VPS13D: variants seen among roughly 807,000 people sequenced by gnomAD.
VPS13D encodes vacuolar protein sorting 13 homolog D.
A neutral mutation model predicts 461.9 loss-of-function variants in VPS13D; 187 were observed. The observed-to-expected ratio is 0.40, with a 90% CI of 0.36 to 0.46. VPS13D has a LOEUF of 0.46. Ranked by LOEUF, VPS13D falls within the 20% of genes least tolerant of loss-of-function variation. The pLI, the probability that VPS13D is intolerant of heterozygous loss-of-function variation, is 0.60. For missense variants in VPS13D, 4,711 were observed against 5,364.9 expected (o/e 0.88, Z 3.81); for synonymous variants, 1,951 against 1,986.3 (o/e 0.98, Z 0.47).
intron 5 of VPS13D, among the ~76,000 whole-genome samples, chr1:12,247,727 G>A (rs182225809): frequency 0.01 from 1,474 of 143,512 alleles, 20 homozygotes; most frequent in African/African-American, 0.036. Flanking sequence ...TTTTTGAGAC[G>A]GAGTCTCCCT....
rs1646120495 is a variant in VPS13D, at chr1:12,507,113, C to T, written c.13035+20C>T. The T allele has an allele frequency of 6.2e-7, 1 of 1,613,528 alleles. No individual in the cohort carries two copies. Among genetic ancestry groups the T allele is most frequent in the Non-Finnish European group, 8.5e-7 (1 of 1,179,724 alleles). On this transcript the variant is annotated intron_variant, in intron 69 of 69. Coordinates refer to ENST00000620676, the MANE Select transcript of VPS13D (RefSeq NM_015378.4). This position sits in a 1 kb window ranked among gnomAD's most constrained non-coding sequence, Gnocchi z 5.3. ...CCCATGGTGAGTGCCTGGCTGTTCT[C>T]AGGCTCCTGAGGGGCGGGGCCAGGG...
chr1:12,314,822 AAG>A (rs1270832850), intron 30 of VPS13D, among the ~76,000 whole-genome samples: 1 of 152,230 alleles, frequency 6.6e-6, no homozygotes, highest in African/African-American at 2.4e-5. Flanking sequence ...TCTATATAGA[AAG>A]AACATATATT....
intron 6 of VPS13D, among the ~76,000 whole-genome samples, chr1:12,252,146 T>C (rs1028516912): frequency 1.3e-5 from 2 of 152,204 alleles, no homozygotes; most frequent in African/African-American, 4.8e-5. Context: ...GTATGACCTC[T>C]TAATTTGATT....
At chr1:12,448,532 C>T (rs1251151812) in intron 65 of VPS13D, among the ~76,000 whole-genome samples, 2 of 152,098 alleles carry the variant, frequency 1.3e-5, no homozygotes, top group African/African-American at 2.4e-5. Context: ...CCCCTTCTGC[C>T]AAAAAGTCCT....
At chr1:12,350,211 T>C in intron 46 of VPS13D, among the ~76,000 whole-genome samples, 1 of 152,206 alleles carries the variant, frequency 6.6e-6, no homozygotes, top group East Asian at 1.9e-4. Flanking sequence ...TAGACATTTA[T>C]ATACAGATTA....
chr1:12,448,805 T>C (rs1050107876), intron 65 of VPS13D, among the ~76,000 whole-genome samples: 17 of 152,172 alleles, frequency 1.1e-4, no homozygotes, highest in Non-Finnish European at 2.2e-4. Context: ...AAAATCCTAT[T>C]ATGGGAATGC....
chr1:12,342,383 G>A (rs760505455), intron 41 of VPS13D, among the ~76,000 whole-genome samples: 6 of 152,198 alleles, frequency 3.9e-5, no homozygotes, highest in Non-Finnish European at 8.8e-5. Flanking sequence ...TAAGCCAGGC[G>A]AGAACCTTTT....
rs748863929 is a variant in VPS13D at position 12,386,343 on chromosome 1, G to C, written c.11634+9G>C. On this transcript the variant is annotated intron_variant, in intron 60 of 69. Coordinates refer to ENST00000620676, the MANE Select transcript of VPS13D (RefSeq NM_015378.4). ...GCATACAGGATGTACAGGTAAGGGG[G>C]AAGTTCCAAAGCTGTTAGTCACCTT... 6.3e-7 allele frequency: 1 copy of C among 1,590,012 alleles called. No homozygotes were observed.
In VPS13D at chr1:12,260,780, G is replaced by A; in HGVS notation, c.1198G>A (p.Glu400Lys). 1 of 1,614,192 alleles carries A rather than the reference G, an allele frequency of 6.2e-7. No homozygotes were observed. The highest frequency in any genetic ancestry group is 1.1e-5 in the South Asian group (1 of 91,076). Residue 400 changes from glutamate to lysine, a missense_variant, in exon 11 of 70, where the codon GAA becomes AAA. Coordinates refer to ENST00000620676, the MANE Select transcript of VPS13D (RefSeq NM_015378.4). ...GGTTCATGATCGATTTCACAAACAG[G>A]AAGAACTAGCAGAGGTAAGAAATCC... Reference protein sequence around the residue: ...ELVHDRFHKQEELAESLREPQ... With the variant: ...ELVHDRFHKQKELAESLREPQ...
At chr1:12,268,010 G>A in intron 15 of VPS13D, 90 bp downstream of exon 15, 3 of 1,082,162 alleles carry the variant, frequency 2.8e-6, no homozygotes, top group South Asian at 3.0e-5. Context: ...CACCCAGGCT[G>A]GAGTGCAGTG....
At position 12,282,825 on chromosome 1, in the gene VPS13D, C is replaced by T; in HGVS notation, c.4723C>T (p.Leu1575=). 1 of 1,614,172 alleles carries T rather than the reference C, an allele frequency of 6.2e-7. No homozygotes were observed. The highest frequency in any genetic ancestry group is 8.5e-7 in the Non-Finnish European group (1 of 1,180,026). Residue 1575 remains leucine (L), a synonymous_variant, in exon 21 of 70, where the codon CTG becomes TTG. Transcript: ENST00000620676. ...ATSSPCPDSP[L]PPLSTCGESS... The stretch of plus-strand genomic sequence containing the variant: ...CTCCTCCCCTTGCCCTGATTCTCCT[C>T]TGCCTCCCCTCAGTACCTGTGGAGA...
chr1:12,295,231 A>C (rs1018117119), intron 24 of VPS13D, among the ~76,000 whole-genome samples: 10 of 151,596 alleles, frequency 6.6e-5, no homozygotes, highest in African/African-American at 2.2e-4. Context: ...TCAAAAAAAA[A>C]AAAAAAAAAC....
intron 65 of VPS13D, among the ~76,000 whole-genome samples, chr1:12,436,879 G>T (rs533017769): frequency 3.3e-5 from 5 of 152,134 alleles, no homozygotes. Flanking sequence ...TGTTGGTCAG[G>T]CTGGTCTCGA....
At position 12,345,443 on chromosome 1, in the gene VPS13D, G is replaced by A. The variant is rs1288479147; in HGVS notation, c.8955G>A (p.Val2985=). ...RVNGWEQVSP[V]SVDKVGTFFR... ...ATGGCTGGGAGCAAGTGAGCCCAGT[G>A]TCTGTGGACAAAGTCGGGACCTTTT... is the stretch of plus-strand genomic sequence containing the variant. The change falls in exon 43 of 70, where the codon GTG becomes GTA. Residue 2985 remains valine (V), a synonymous_variant. Transcript: ENST00000620676. 1.2e-6 allele frequency: 2 copies of A among 1,613,994 alleles called. No individual in the cohort carries two copies. Among genetic ancestry groups the A allele is most frequent in the Admixed American group, 1.7e-5 (1 of 60,024 alleles).
chr1:12,298,371 C>T (rs916832798), intron 24 of VPS13D, among the ~76,000 whole-genome samples: 6 of 152,064 alleles, frequency 3.9e-5, no homozygotes, highest in East Asian at 1.9e-4. Context: ...GGGCTGGGCA[C>T]GCTCACACCT....
intron 35 of VPS13D, among the ~76,000 whole-genome samples, chr1:12,326,801 G>A (rs1168255536): frequency 1.3e-5 from 2 of 151,840 alleles, no homozygotes; most frequent in Non-Finnish European, 2.9e-5. Context: ...ATGCCACCAC[G>A]CCCAGCTAAT....
intron 29 of VPS13D, 112 bp downstream of exon 29, chr1:12,312,037 T>TTTAATGATACG: frequency 3.5e-6 from 3 of 853,014 alleles, no homozygotes; most frequent in South Asian, 1.7e-5. Flanking sequence ...GATGGAATGT[T>TTTAATGATACG]GTCTGCAGAG....
chr1:12,275,821 T>G lies in VPS13D; in HGVS notation c.2237-4T>G. On this transcript the variant is annotated splice_region_variant and splice_polypyrimidine_tract_variant and intron_variant, in intron 18 of 69. Transcript: ENST00000620676. ...TATTTGAATCTTCTTTTTTTTATCT[T>G]CAGATAACTCCAGGAGGAAAAGTAG... The G allele has an allele frequency of 6.4e-7, 1 of 1,558,658 alleles. No homozygotes were observed. The highest frequency in any genetic ancestry group is 1.2e-5 in the South Asian group (1 of 83,538).
intron 5 of VPS13D, among the ~76,000 whole-genome samples, chr1:12,245,016 A>G (rs1161910488): frequency 2.0e-5 from 3 of 152,178 alleles, no homozygotes; most frequent in African/African-American, 7.2e-5. Flanking sequence ...CTTCATCTGT[A>G]AAAGAGAGAG....
Sources: gnomAD v4.1 joint callset for allele counts (sites outside exome capture counted in the v4.1 genomes callset) on GRCh38, gnomAD v4.1.1 for gene constraint, Gnocchi (gnomAD v3.1) non-coding constraint, MANE v1.5 for transcripts, NCBI Gene and HGNC (gene_info 2026-07-23, HGNC 2026-07-21) for gene names.